The following PCDH19 variants were observed in gnomAD, a reference collection of about 807,000 sequenced individuals.
PCDH19 encodes the protein protocadherin 19, also known as protocadherin-19.
Under a neutral mutation model 46.2 loss-of-function variants are expected in PCDH19, and 6 were observed. That is an observed-to-expected ratio of 0.13 (90% confidence interval 0.07 to 0.26). PCDH19 has a LOEUF of 0.26. Ranked by LOEUF, PCDH19 falls within the 10% of genes least tolerant of loss-of-function variation. The probability of loss-of-function intolerance (pLI) is 1.00; values close to 1 mark genes in which losing one functional copy is unlikely to be tolerated. For missense variants in PCDH19, 740 were observed against 972.3 expected (o/e 0.76, Z 3.18); for synonymous variants, 481 against 415.7 (o/e 1.16, Z -1.91).
chrX:100,320,608 C>T (rs1351911386), intron 5 of PCDH19, among the ~76,000 whole-genome samples: 3 of 111,048 alleles, frequency 2.7e-5, no homozygotes, highest in Non-Finnish European at 5.7e-5. Context: ...TCTTGAATGA[C>T]TGGGCCTTAG....
At position 100,353,690 on chromosome X, in the gene PCDH19, G is replaced by C. The variant is rs148278470; in HGVS notation, c.2617-2986C>G. 2.7e-5 allele frequency among the ~76,000 whole-genome samples: 3 copies of C among 111,892 alleles called. No homozygotes were observed. The Admixed American group carries it at 2.8e-4, about 11-fold the overall frequency. On this transcript the variant is annotated intron_variant, in intron 3 of 5. Transcript: ENST00000373034. ...CAGGCAGATGTGCCAGGCATGATCTGCTACTGTAAAGAGAAGAATATCATA... is the reference window on the plus strand; with the variant it reads ...CAGGCAGATGTGCCAGGCATGATCTCCTACTGTAAAGAGAAGAATATCATA...
At chrX:100,309,427 A>G (rs761404789) in intron 5 of PCDH19, among the ~76,000 whole-genome samples, 57 of 111,721 alleles carry the variant, frequency 5.1e-4, no homozygotes, top group African/African-American at 1.9e-3. Flanking sequence ...CACATTGGGT[A>G]GAGTGTACAC....
At chrX:100,380,931 C>T (rs750609778) in intron 3 of PCDH19, among the ~76,000 whole-genome samples, 49 of 112,160 alleles carry the variant, frequency 4.4e-4, no homozygotes, top group Non-Finnish European at 7.9e-4. Context: ...GGATACTGAA[C>T]CAATTAATAT....
Position 100,370,667 on chromosome X carries a change from T to C in PCDH19, c.2617-19963A>G, listed in dbSNP as rs1388612858. The stretch of plus-strand genomic sequence containing the variant: ...TAATTGGCTTGTCTTGCTGGACTTT[T>C]TATGCAGCCAAAGTACCAGTTCCAG... On this transcript the variant is annotated intron_variant, in intron 3 of 5. Coordinates refer to ENST00000373034, the MANE Select transcript of PCDH19 (RefSeq NM_001184880.2). Among the ~76,000 whole-genome samples the C allele has an allele frequency of 7.1e-5, 8 of 112,213 alleles. No homozygotes were observed. The Admixed American group carries it at 7.6e-4, about 11-fold the overall frequency.
chrX:100,343,889 GCTCT>G (rs1051367557), intron 4 of PCDH19, among the ~76,000 whole-genome samples: 1 of 111,938 alleles, frequency 8.9e-6, no homozygotes, highest in African/African-American at 3.3e-5. Context: ...CACAGGCCTG[GCTCT>G]CTGAGACTGA....
rs1034413694 is a variant in PCDH19, at chrX:100,408,771, G to A, written c.-174C>T. 4.5e-6 allele frequency: 1 copy of A among 220,442 alleles called. No homozygotes were observed. The highest frequency in any genetic ancestry group is 3.0e-5 in the African/African-American group (1 of 33,316). The allele number at this position is 220,442 out of a possible 1,213,427, so 18.2% of individuals were successfully genotyped here. A position where few individuals can be genotyped will look rare whatever the true frequency, so the allele number is the denominator to read the frequency against. On this transcript the variant is annotated 5_prime_UTR_variant, in exon 1 of 6. Transcript: ENST00000373034. ...CGGCGGCGCGCGGGGGACACCCGCG[G>A]CGGCTCCAATGCTGAGGTTGCGGCG...
intron 3 of PCDH19, among the ~76,000 whole-genome samples, chrX:100,363,754 T>TATATATA (rs2147503301): frequency 1.0e-5 from 1 of 100,456 alleles, no homozygotes; most frequent in Admixed American, 1.2e-4. Context: ...AATATATATA[T>TATATATA]AAAATAAATA....
intron 3 of PCDH19, among the ~76,000 whole-genome samples, chrX:100,371,847 TATACAC>T (rs1338237889): frequency 1.8e-4 from 6 of 33,199 alleles, no homozygotes; most frequent in African/African-American, 2.2e-4. Flanking sequence ...GACAAATGAC[TATACAC>T]ACACACACAC....
chrX:100,314,265 A>C (rs752827025), intron 5 of PCDH19, among the ~76,000 whole-genome samples: 1 of 111,802 alleles, frequency 8.9e-6, no homozygotes, highest in East Asian at 2.9e-4. Context: ...GACTGAAAAT[A>C]ATACCCTTTT....
intron 4 of PCDH19, among the ~76,000 whole-genome samples, chrX:100,349,249 G>A (rs1012963279): frequency 4.5e-5 from 5 of 112,024 alleles, no homozygotes; most frequent in African/African-American, 1.6e-4. Flanking sequence ...ACTCTAATCA[G>A]TGCACATAAG....
chrX:100,310,674 A>G (rs1450979932), intron 5 of PCDH19, among the ~76,000 whole-genome samples: 1 of 109,971 alleles, frequency 9.1e-6, no homozygotes, highest in Non-Finnish European at 1.9e-5. Context: ...CGCCCACAGA[A>G]TTAAGTCCCT....
chrX:100,408,047 C>T lies in PCDH19; in HGVS notation c.551G>A (p.Gly184Asp). 1 of 1,208,797 alleles carries T rather than the reference C, an allele frequency of 8.3e-7. No homozygotes were observed. Among genetic ancestry groups the T allele is most frequent in the Non-Finnish European group, 1.1e-6 (1 of 895,614 alleles). The change falls in exon 1 of 6, where the codon GGC becomes GAC. Residue 184 changes from glycine to aspartate, a missense_variant. Gly to Asp is a moderately conservative substitution (Grantham distance 94). Around this residue, in one of 5 missense-constraint regions of PCDH19, gnomAD observed 48 missense variants for 43.2 expected, o/e 1.11. Coordinates refer to ENST00000373034, the MANE Select transcript of PCDH19 (RefSeq NM_001184880.2). ...FGLEIKTRGD[G>D]SRFAELVVEK... The stretch of plus-strand genomic sequence containing the variant: ...CACCACGAGTTCGGCAAAGCGGGAG[C>T]CGTCGCCGCGCGTCTTGATCTCCAG...
chrX:100,334,428 TTAC>T (rs1326235896), intron 5 of PCDH19, among the ~76,000 whole-genome samples: 1 of 112,033 alleles, frequency 8.9e-6, no homozygotes, highest in Non-Finnish European at 1.9e-5. Flanking sequence ...ATAAGTTTAA[TTAC>T]TTGAATCCAG....
intron 5 of PCDH19, among the ~76,000 whole-genome samples, chrX:100,313,057 A>ACCAG (rs1925180932): frequency 1.8e-5 from 2 of 111,514 alleles, no homozygotes; most frequent in Non-Finnish European, 3.8e-5. Flanking sequence ...CTTAAGATGC[A>ACCAG]TTTTCATTCA....
In PCDH19 at chrX:100,317,312, G is replaced by A. The variant is rs186426408; in HGVS notation, c.2849-20437C>T. Among the ~76,000 whole-genome samples the A allele has an allele frequency of 2.7e-5, 3 of 112,090 alleles. No individual in the cohort carries two copies. The Admixed American group carries it at 2.8e-4, about 11-fold the overall frequency. ...GACCCTGAAAATCATGCAAAGCACA[G>A]ACTAAGACTACTCCTTGCTTCATTC... On this transcript the variant is annotated intron_variant, in intron 5 of 5. Transcript: ENST00000373034.
chrX:100,303,562 A>C (rs1924852548), intron 5 of PCDH19, among the ~76,000 whole-genome samples: 1 of 111,537 alleles, frequency 9.0e-6, no homozygotes, highest in Admixed American at 9.5e-5. Flanking sequence ...TTAGCAAAAA[A>C]AAGATGGAAT....
chrX:100,370,588 C>T (rs144290094), intron 3 of PCDH19, among the ~76,000 whole-genome samples: 1,450 of 111,777 alleles, frequency 0.013, 14 homozygotes, highest in Non-Finnish European at 0.02. Flanking sequence ...TGTACCATAG[C>T]AGAGAATGAA....
rs150270923 is a variant in PCDH19, at chrX:100,384,570, G to A, written c.2616+17954C>T. Among the ~76,000 whole-genome samples, 285 of 109,095 alleles carry A rather than the reference G, an allele frequency of 2.6e-3. 1 individual carries two copies. Among genetic ancestry groups the A allele is most frequent in the African/African-American group, 8.6e-3 (256 of 29,914 alleles). The allele number at this position is 109,095 out of a possible 115,157, so 94.7% of individuals were successfully genotyped here. A position where few individuals can be genotyped will look rare whatever the true frequency, so the allele number is the denominator to read the frequency against. ...TCACAGAAATAATAGTGTGCCCTACGCTTTTTTTTGAATCTTCCTTTTATT... is the reference window on the plus strand; with the variant it reads ...TCACAGAAATAATAGTGTGCCCTACACTTTTTTTTGAATCTTCCTTTTATT... On this transcript the variant is annotated intron_variant, in intron 3 of 5. Transcript: ENST00000373034.
intron 3 of PCDH19, among the ~76,000 whole-genome samples, chrX:100,381,358 T>G (rs1160695443): frequency 8.9e-6 from 1 of 112,140 alleles, no homozygotes; most frequent in African/African-American, 3.2e-5. Flanking sequence ...TCTGTGATAA[T>G]GAAAGACAGT....
Sources: allele counts gnomAD v4.1 joint callset (sites outside exome capture counted in the v4.1 genomes callset), GRCh38; gene constraint gnomAD v4.1.1; regional missense constraint gnomAD v4.1.1; transcripts MANE v1.5; gene names NCBI Gene and HGNC (gene_info 2026-07-23, HGNC 2026-07-21).